The following RIMKLB variants were observed in gnomAD, a reference collection of about 807,000 sequenced individuals.
RIMKLB encodes ribosomal modification protein rimK like family member B.
In RIMKLB, 7 loss-of-function variants were observed where a neutral mutation model predicts 32.0. That is an observed-to-expected ratio of 0.22 (90% CI 0.12 to 0.41). The LOEUF (loss-of-function observed/expected upper bound fraction) is 0.41. Among genes scored for constraint, RIMKLB ranks in the 10% least tolerant of loss-of-function variants. The pLI, the probability that RIMKLB is intolerant of heterozygous loss-of-function variation, is 1.00. For synonymous variants in RIMKLB, 172 were observed against 185.1 expected (o/e 0.93, Z 0.57); for missense variants, 289 against 498.7 (o/e 0.58, Z 4.00).
chr12:8,744,305 A>G (rs968653308), intron 2 of RIMKLB, among the ~76,000 whole-genome samples: 3 of 151,902 alleles, frequency 2.0e-5, no homozygotes, highest in African/African-American at 7.3e-5. Flanking sequence ...TTCCATCCTC[A>G]CTAATACCCC....
chr12:8,707,435 G>A (rs1346816829), intron 1 of RIMKLB, among the ~76,000 whole-genome samples: 1 of 152,220 alleles, frequency 6.6e-6, no homozygotes, highest in Non-Finnish European at 1.5e-5. Context: ...GGGGCACGGA[G>A]CTTCTTTGCC....
At chr12:8,762,752 A>AG (rs1263239963) in intron 5 of RIMKLB, among the ~76,000 whole-genome samples, 5 of 152,126 alleles carry the variant, frequency 3.3e-5, no homozygotes, top group Admixed American at 6.6e-5. Context: ...TCCTGGAGTG[A>AG]GGGGGTTACT....
At chr12:8,748,519 CGTGTGTGTGTGTGT>C (rs58187682) in intron 2 of RIMKLB, among the ~76,000 whole-genome samples, 9 of 131,276 alleles carry the variant, frequency 6.9e-5, no homozygotes, top group East Asian at 2.2e-4. Flanking sequence ...TGGGATTATT[CGTGTGTGTGTGTGT>C]GTGTGTGTGT....
intron 1 of RIMKLB, among the ~76,000 whole-genome samples, chr12:8,711,738 G>C (rs751007218): frequency 1.3e-5 from 2 of 151,822 alleles, no homozygotes; most frequent in African/African-American, 4.8e-5. Context: ...TTCTACGTCA[G>C]GTATTCTGGC....
At chr12:8,726,997 G>T (rs56094803) in intron 2 of RIMKLB, among the ~76,000 whole-genome samples, 5,610 of 152,020 alleles carry the variant, frequency 0.037, 327 homozygotes, top group African/African-American at 0.13. Context: ...TTACCCTAGG[G>T]TTTGCAATAT....
intron 1 of RIMKLB, among the ~76,000 whole-genome samples, chr12:8,705,430 T>G (rs1213824648): frequency 7.0e-6 from 1 of 143,708 alleles, no homozygotes; most frequent in Non-Finnish European, 1.5e-5. Context: ...TGAGCCAAGA[T>G]CACGTCACTG....
At chr12:8,757,454 CAG>C (rs1949135556) in intron 5 of RIMKLB, among the ~76,000 whole-genome samples, 1 of 131,804 alleles carries the variant, frequency 7.6e-6, no homozygotes, top group South Asian at 2.2e-4. Context: ...CTAGGTGACA[CAG>C]CAAGACCCTG....
chr12:8,747,272 A>T (rs1368648609), intron 2 of RIMKLB, among the ~76,000 whole-genome samples: 3 of 152,186 alleles, frequency 2.0e-5, no homozygotes, highest in Non-Finnish European at 4.4e-5. Context: ...TACCTGACCA[A>T]CCATATCTTT....
Position 8,775,422 on chromosome 12 carries a change from A to G in RIMKLB, c.*1638A>G. On this transcript the variant is annotated 3_prime_UTR_variant, in exon 6 of 6. Transcript: ENST00000535829. ...TGATGGGTTTGGATGGTATGTTAAGAAATGGAGATGCTGCAGAGCCCAACG... is the reference window on the plus strand; with the variant it reads ...TGATGGGTTTGGATGGTATGTTAAGGAATGGAGATGCTGCAGAGCCCAACG... 1 of 985,564 alleles carries G rather than the reference A, an allele frequency of 1.0e-6. No homozygotes were observed. The highest frequency in any genetic ancestry group is 1.2e-6 in the Non-Finnish European group (1 of 829,908). 61.1% of individuals were successfully genotyped at this position (985,564 alleles called of 1,614,324 possible).
At chr12:8,726,451 G>A (rs1272591804) in intron 2 of RIMKLB, among the ~76,000 whole-genome samples, 1 of 151,970 alleles carries the variant, frequency 6.6e-6, no homozygotes, top group Admixed American at 6.6e-5. Context: ...ACAATCTTTT[G>A]TCAGTTATAT....
At chr12:8,754,627 T>C (rs1948870159) in intron 5 of RIMKLB, among the ~76,000 whole-genome samples, 1 of 152,222 alleles carries the variant, frequency 6.6e-6, no homozygotes, top group Admixed American at 6.5e-5. Context: ...TGTATGTTTA[T>C]TATTTCCAAA....
chr12:8,749,929 T>A lies in RIMKLB; in HGVS notation c.243T>A (p.Pro81=), dbSNP rs751574080. Residue 81 remains proline (P), a synonymous_variant, in exon 3 of 6, where the codon CCT becomes CCA. Coordinates refer to ENST00000535829, the MANE Select transcript of RIMKLB (RefSeq NM_001297776.2). ...PQVVVVRVPT[P]WVQSDSDITV... ...TGGTGGTAGTCAGAGTACCAACCCC[T>A]TGGGTGCAAAGTGATAGTGACATCA... 6.2e-6 allele frequency: 10 copies of A among 1,613,832 alleles called. No individual in the cohort carries two copies. The highest frequency in any genetic ancestry group is 8.5e-6 in the Non-Finnish European group (10 of 1,179,782).
chr12:8,713,578 A>G lies in RIMKLB; in HGVS notation c.-56-233A>G, dbSNP rs550565754. Among the ~76,000 whole-genome samples the G allele has an allele frequency of 1.1e-3, 168 of 152,346 alleles. 1 individual carries two copies. The highest frequency in any genetic ancestry group is 1.8e-3 in the Admixed American group (27 of 15,298). On this transcript the variant is annotated intron_variant, in intron 1 of 5. Coordinates refer to ENST00000535829, the MANE Select transcript of RIMKLB (RefSeq NM_001297776.2). ...TGACGAGCTACAGTTATTAAGTTGC[A>G]GTGCCAGTTTCCCCAAGGAAAAATG...
At chr12:8,689,746 G>A (rs1053450400) in intron 1 of RIMKLB, among the ~76,000 whole-genome samples, 7 of 152,064 alleles carry the variant, frequency 4.6e-5, no homozygotes, top group African/African-American at 1.7e-4. Flanking sequence ...AGAGGGTATG[G>A]TGGTGATGCG....
At chr12:8,679,435 C>T (rs1942364392), upstream of RIMKLB, 1 of 152,582 alleles carries the variant, frequency 6.6e-6, no homozygotes, top group Non-Finnish European at 1.5e-5. Context: ...AAGTAATCCG[C>T]CCGTGTGGGC....
intron 2 of RIMKLB, among the ~76,000 whole-genome samples, chr12:8,739,748 C>T (rs899331669): frequency 6.6e-6 from 1 of 152,038 alleles, no homozygotes; most frequent in Admixed American, 6.5e-5. Context: ...GTGGAGTTAA[C>T]AGGTGTGAGC....
At chr12:8,720,959 C>A (rs1293425212) in intron 2 of RIMKLB, among the ~76,000 whole-genome samples, 3 of 152,078 alleles carry the variant, frequency 2.0e-5, no homozygotes, top group Non-Finnish European at 4.4e-5. Flanking sequence ...GATTTAATAC[C>A]CTGGAACCAG....
At chr12:8,766,834 T>C (rs927196855) in intron 5 of RIMKLB, among the ~76,000 whole-genome samples, 2 of 152,280 alleles carry the variant, frequency 1.3e-5, no homozygotes, top group Non-Finnish European at 2.9e-5. Flanking sequence ...TCTAACAGAA[T>C]AGCCCCATAC....
chr12:8,780,268 AG>A (rs751218628), downstream of RIMKLB: 1 of 152,208 alleles, frequency 6.6e-6, no homozygotes, highest in Non-Finnish European at 1.5e-5. Context: ...CATAGGTTGT[AG>A]GGGTAGGTAA....
Sources: allele counts gnomAD v4.1 joint callset (sites outside exome capture counted in the v4.1 genomes callset), GRCh38; gene constraint gnomAD v4.1.1; transcripts MANE v1.5; gene names NCBI Gene and HGNC (gene_info 2026-07-23, HGNC 2026-07-21).